The following GABRE variants were observed in gnomAD, a reference collection of about 807,000 sequenced individuals.
GABRE encodes gamma-aminobutyric acid receptor subunit epsilon.
GABRE carries 20 observed loss-of-function variants against 31.0 expected under a neutral mutation model. The observed-to-expected ratio is 0.64, with a 90% confidence interval of 0.45 to 0.94. GABRE has a LOEUF of 0.94. Ranked by LOEUF, GABRE falls within the 40% of genes least tolerant of loss-of-function variation. The pLI, the probability that GABRE is intolerant of heterozygous loss-of-function variation, is 0.00. For missense variants in GABRE, 420 were observed against 410.7 expected (o/e 1.02, Z -0.20); for synonymous variants, 155 against 150.6 (o/e 1.03, Z -0.21).
intron 6 of GABRE, chrX:151,956,194 C>T (rs750030161): frequency 2.3e-4 from 52 of 228,653 alleles, no homozygotes; most frequent in African/African-American, 1.3e-3. Context: ...ATCATGCCCA[C>T]GCAGCTGATA....
At chrX:151,967,357 G>T (rs185963883) in intron 3 of GABRE, among the ~76,000 whole-genome samples, 14 of 112,252 alleles carry the variant, frequency 1.2e-4, no homozygotes, top group African/African-American at 4.5e-4. Flanking sequence ...TGGGAGCCAT[G>T]AGGTTACTGT....
Position 151,955,038 on chromosome X carries a change from C to A in GABRE, c.1184G>T (p.Arg395Leu). 1.7e-6 allele frequency: 2 copies of A among 1,202,252 alleles called. No individual in the cohort carries two copies. The highest frequency in any genetic ancestry group is 2.2e-6 in the Non-Finnish European group (2 of 890,954). Residue 395 changes from arginine (R) to leucine (L), a missense_variant, in exon 9 of 9, where the codon CGA (arginine) becomes CTA (leucine). By Grantham distance (102) the Arg-to-Leu change is moderately radical (BLOSUM62 -2). Coordinates refer to ENST00000370328, the MANE Select transcript of GABRE (RefSeq NM_004961.4). Reference sequence around the variant, plus strand: ...TTCCTGATGTTGGCGGGCACAGGCTCGGGAACGTGCACGGGTACGGGCATG... The same window carrying A: ...TTCCTGATGTTGGCGGGCACAGGCTAGGGAACGTGCACGGGTACGGGCATG... ...RAHARTRARS[R>L]ACARQHQEAF... is the part of the protein sequence containing the mutation.
intron 1 of GABRE, chrX:151,971,948 G>T: frequency 5.3e-6 from 2 of 379,161 alleles, no homozygotes; most frequent in Non-Finnish European, 6.6e-6. Context: ...TCCTGATCTA[G>T]GTGTTGGTTA....
chrX:151,966,050 G>A (rs939007171), intron 3 of GABRE, among the ~76,000 whole-genome samples: 1 of 112,537 alleles, frequency 8.9e-6, no homozygotes, highest in East Asian at 2.8e-4. Flanking sequence ...CCAGTGGGAA[G>A]CCTTGCCCTC....
At chrX:151,965,410 A>G (rs774237714) in intron 3 of GABRE, among the ~76,000 whole-genome samples, 8 of 111,508 alleles carry the variant, frequency 7.2e-5, no homozygotes, top group African/African-American at 2.6e-4. Flanking sequence ...AGAAATGTGC[A>G]CCACTGGTGG....
chrX:151,960,074 T>C (rs1934313412), intron 5 of GABRE, 98 bp from the exon 6 acceptor site: 2 of 806,647 alleles, frequency 2.5e-6, no homozygotes. Flanking sequence ...CTTGGAGTCC[T>C]GTCTCTGGCC....
At chrX:151,964,290 T>G (rs913336853) in intron 3 of GABRE, among the ~76,000 whole-genome samples, 1 of 111,961 alleles carries the variant, frequency 8.9e-6, no homozygotes, top group Non-Finnish European at 1.9e-5. Context: ...TTTCCAGAGC[T>G]GACATTGACA....
At position 151,962,610 on chromosome X, in the gene GABRE, A is replaced by G; in HGVS notation, c.376T>C (p.Trp126Arg). 8.3e-7 allele frequency: 1 copy of G among 1,210,518 alleles called. No homozygotes were observed. ...YTIDIIFSQT[W>R]YDERLCYNDT... is the part of the protein sequence containing the mutation. ...TTGTAACAGAGGCGTTCGTCGTACC[A>G]GGTCTGGGAGAAGATGATGTCAATG... The change falls in exon 4 of 9, where the codon TGG becomes CGG. Residue 126 changes from tryptophan to arginine, a missense_variant. Trp to Arg is a moderately radical substitution (Grantham distance 101). Transcript: ENST00000370328.
chrX:151,954,090 C>T lies in GABRE; in HGVS notation c.*611G>A, dbSNP rs917489015. 1 of 111,711 alleles carries T rather than the reference C, an allele frequency of 9.0e-6. No individual in the cohort carries two copies. Among genetic ancestry groups the T allele is most frequent in the African/African-American group, 3.3e-5 (1 of 30,722 alleles). 9.2% of individuals were successfully genotyped at this position (111,711 alleles called of 1,213,427 possible). On this transcript the variant is annotated 3_prime_UTR_variant, in exon 9 of 9. Transcript: ENST00000370328. ...AAATAGGCTCTCTTGCTGCCCCCCC[C>T]TCTTCCTAAAGGGATAATGCCAGTG...
At chrX:151,965,147 T>A (rs1204648211) in intron 3 of GABRE, among the ~76,000 whole-genome samples, 1 of 111,819 alleles carries the variant, frequency 8.9e-6, no homozygotes, top group Non-Finnish European at 1.9e-5. Flanking sequence ...CGAGACTCCA[T>A]CTCAGGGGAG....
chrX:151,972,525 C>T, intron 1 of GABRE: 4 of 753,712 alleles, frequency 5.3e-6, no homozygotes, highest in Non-Finnish European at 6.3e-6. Context: ...CTGAAGCAGC[C>T]CCTCCCAGAT....
At chrX:151,960,001 G>C (rs1286408621) in intron 5 of GABRE, 25 bp from the exon 6 acceptor site, 1 of 1,195,605 alleles carries the variant, frequency 8.4e-7, no homozygotes, top group Non-Finnish European at 1.1e-6. Flanking sequence ...GAGAAAGAGG[G>C]TCTTATGAGA....
At chrX:151,974,472 G>C (rs1385187082) in intron 1 of GABRE, 98 bp downstream of exon 1, 4 of 576,638 alleles carry the variant, frequency 6.9e-6, no homozygotes, top group South Asian at 3.4e-5. Flanking sequence ...CGCGGGGCTC[G>C]AGGAACGCGG....
chrX:151,970,829 G>A (rs1000391229), intron 1 of GABRE, among the ~76,000 whole-genome samples: 25 of 112,021 alleles, frequency 2.2e-4, no homozygotes, highest in African/African-American at 3.9e-4. Flanking sequence ...AAGCCAGAGC[G>A]GCCTCTCCCA....
intron 6 of GABRE, chrX:151,958,618 C>G (rs370036605): frequency 1.8e-5 from 7 of 378,930 alleles, no homozygotes; most frequent in Non-Finnish European, 3.2e-5. Context: ...AAACAATGCA[C>G]AATCATCTAC....
intron 6 of GABRE, chrX:151,958,004 T>A (rs897067503): frequency 8.3e-6 from 1 of 119,894 alleles, no homozygotes; most frequent in Non-Finnish European, 1.7e-5. Context: ...TCGTTTAATC[T>A]CGGTCCTGTG....
chrX:151,970,281 C>T lies in GABRE; in HGVS notation c.178G>A (p.Glu60Lys). The change falls in exon 2 of 9, where the codon GAG becomes AAG. Residue 60 changes from glutamate to lysine, a missense_variant. Glu to Lys is a moderately conservative substitution (Grantham distance 56, BLOSUM62 1). Coordinates refer to ENST00000370328, the MANE Select transcript of GABRE (RefSeq NM_004961.4). ...AGTTTGCCAACTCTGCTCCCAGTCT[C>T]AGTCTCAGTTGACTTTGTTTCCTCA... The part of the protein sequence containing the change: ...LSEETKSTET[E>K]TGSRVGKLPE... 2.5e-6 allele frequency: 3 copies of T among 1,212,262 alleles called. No homozygotes were observed. Among genetic ancestry groups the T allele is most frequent in the Admixed American group, 4.3e-5 (2 of 46,131 alleles).
chrX:151,957,266 C>T (rs760354230), intron 6 of GABRE: 2 of 226,687 alleles, frequency 8.8e-6, no homozygotes, highest in East Asian at 2.4e-4. Flanking sequence ...ATGAGAAGAG[C>T]AGCCTTTCGT....
intron 1 of GABRE, chrX:151,972,387 T>C: frequency 1.3e-6 from 1 of 753,730 alleles, no homozygotes; most frequent in Non-Finnish European, 1.6e-6. Context: ...CCAGTGACTA[T>C]GGGAAGAGAG....
Sources: gnomAD v4.1 joint callset for allele counts (sites outside exome capture counted in the v4.1 genomes callset) on GRCh38, gnomAD v4.1.1 for gene constraint, MANE v1.5 for transcripts, NCBI Gene and HGNC (gene_info 2026-07-23, HGNC 2026-07-21) for gene names.